Variants in C1QTNF4 observed in about 807,000 individuals in gnomAD.
The protein encoded by C1QTNF4 is C1q and TNF related 4, also known as complement C1q tumor necrosis factor-related protein 4.
Under a neutral mutation model 14.6 loss-of-function variants are expected in C1QTNF4, and 12 were observed. The observed-to-expected ratio is 0.82, with a 90% CI of 0.53 to 1.33. C1QTNF4 has a LOEUF of 1.33. Ranked by LOEUF, C1QTNF4 falls within the 40% of genes most tolerant of loss-of-function variation. The pLI, the probability that C1QTNF4 is intolerant of heterozygous loss-of-function variation, is 0.00. For missense variants in C1QTNF4, 558 were observed against 500.3 expected, an observed-to-expected ratio of 1.12 and a Z score of -1.10; for synonymous variants, 278 against 246.6, an observed-to-expected ratio of 1.13 and a Z score of -1.19.
chr11:47,591,821 G>A (rs1423450194), intron 1 of C1QTNF4, among the ~76,000 whole-genome samples: 3 of 152,234 alleles, frequency 2.0e-5, no homozygotes, highest in Non-Finnish European at 2.9e-5. Flanking sequence ...TAACCCGGGG[G>A]ATTCAGGGGA....
chr11:47,590,222 G>A lies in C1QTNF4; in HGVS notation c.589C>T (p.Arg197Trp), dbSNP rs868144458. 13 of 1,540,092 alleles carry A rather than the reference G, an allele frequency of 8.4e-6. No individual in the cohort carries two copies. The Admixed American group carries it at 1.0e-4, about 12-fold the overall frequency. ...GTGTCGAAGGCGAGTGGTTGGTGCC[G>A]CGGCCCGGGGCCAGCGTCCGAGCCC... ...LVGSDAGPGPRHQPLAFDTEF... is the reference protein window; with the variant it reads ...LVGSDAGPGPWHQPLAFDTEF... The change falls in exon 2 of 2, where the codon CGG becomes TGG. Residue 197 changes from arginine (R) to tryptophan (W), a missense_variant. Coordinates refer to ENST00000302514, the MANE Select transcript of C1QTNF4 (RefSeq NM_031909.3).
intron 1 of C1QTNF4, among the ~76,000 whole-genome samples, chr11:47,591,429 G>A (rs1238367780): frequency 8.1e-6 from 1 of 123,718 alleles, no homozygotes; most frequent in Non-Finnish European, 1.7e-5. Context: ...TGGCTGTGTC[G>A]CCAGGCTGGA....
rs2153796075 is a variant in C1QTNF4, at chr11:47,590,781, G to C, written c.30C>G (p.Gly10=). The C allele has an allele frequency of 1.3e-6, 2 of 1,517,506 alleles. No individual in the cohort carries two copies. Among genetic ancestry groups the C allele is most frequent in the Middle Eastern group, 2.0e-4 (1 of 5,052 alleles). The allele number at this position is 1,517,506 out of a possible 1,614,324, so 94.0% of individuals were successfully genotyped here. The change falls in exon 2 of 2, where the codon GGC becomes GGG. Residue 10 remains glycine (G), a synonymous_variant. Transcript: ENST00000302514. The stretch of plus-strand genomic sequence containing the variant: ...GGCCCAGGGCCCAGCAGGCCGCTGG[G>C]CCCAGCAGGCCCAGCAGAAGCGGCA... MLPLLLGLL[G]PAACWALGPT...
At position 47,590,392 on chromosome 11, in the gene C1QTNF4, G is replaced by T; in HGVS notation, c.419C>A (p.Pro140Gln). The T allele has an allele frequency of 7.5e-6, 11 of 1,470,916 alleles. No individual in the cohort carries two copies. The highest frequency in any genetic ancestry group is 9.8e-6 in the Non-Finnish European group (11 of 1,118,736). The allele number at this position is 1,470,916 out of a possible 1,614,324, so 91.1% of individuals were successfully genotyped here. A position where few individuals can be genotyped will look rare whatever the true frequency, so the allele number is the denominator to read the frequency against. ...GCCGGGCGCGCCTAGCGCGTACTGCGGGGCGCCATGCAGCCGCAGCCACAC... is the reference window on the plus strand; with the variant it reads ...GCCGGGCGCGCCTAGCGCGTACTGCTGGGCGCCATGCAGCCGCAGCCACAC... ...DTVWLRLHGA[P>Q]QYALGAPGAT... is the part of the protein sequence containing the mutation. The change falls in exon 2 of 2, where the codon CCG becomes CAG. Residue 140 changes from proline (P) to glutamine (Q), a missense_variant. Physicochemically the swap from Pro to Gln is moderately conservative, Grantham distance 76 (BLOSUM62 -1). Transcript: ENST00000302514.
rs1459549670 is a variant in C1QTNF4, at chr11:47,594,309, C to T, written c.-167G>A. ...GGGGCTCCGGCTGCTTTTCCCGGCT[C>T]TGAGGCGGCAGCGGACAGGGTGCTG... On this transcript the variant is annotated 5_prime_UTR_variant, in exon 1 of 2. Transcript: ENST00000302514. 6.6e-6 allele frequency: 1 copy of T among 152,214 alleles called. No individual in the cohort carries two copies. The highest frequency in any genetic ancestry group is 6.5e-5 in the Admixed American group (1 of 15,280). 9.4% of individuals were successfully genotyped at this position (152,214 alleles called of 1,614,324 possible).
intron 1 of C1QTNF4, among the ~76,000 whole-genome samples, chr11:47,592,287 G>T (rs2153796161): frequency 6.6e-6 from 1 of 152,274 alleles, no homozygotes; most frequent in Non-Finnish European, 1.5e-5. Flanking sequence ...TCAGGTCCTG[G>T]CTCTACCACT....
chr11:47,593,675 TC>T (rs1212451137), intron 1 of C1QTNF4, among the ~76,000 whole-genome samples: 2 of 152,086 alleles, frequency 1.3e-5, no homozygotes, highest in African/African-American at 2.4e-5. Flanking sequence ...AAATGGCTGT[TC>T]CTGGCTCTGT....
chr11:47,590,361 G>A lies in C1QTNF4; in HGVS notation c.450C>T (p.Thr150=), dbSNP rs1404829546. 2.9e-6 allele frequency: 4 copies of A among 1,377,192 alleles called. No homozygotes were observed. The highest frequency in any genetic ancestry group is 3.1e-5 in the East Asian group (1 of 32,226). 85.3% of individuals were successfully genotyped at this position (1,377,192 alleles called of 1,614,324 possible). A position where few individuals can be genotyped will look rare whatever the true frequency, so the allele number is the denominator to read the frequency against. ...CGGCGTAGACTAGGTAGCCGCTGAA[G>A]GTGGCGCCGGGCGCGCCTAGCGCGT... The part of the protein sequence containing the change: ...PQYALGAPGA[T]FSGYLVYADA... Residue 150 remains threonine (T), a synonymous_variant, in exon 2 of 2, where the codon ACC becomes ACT. Transcript: ENST00000302514.
In C1QTNF4 at chr11:47,590,349, G is replaced by A; in HGVS notation, c.462C>T (p.Tyr154=). 3 of 1,363,746 alleles carry A rather than the reference G, an allele frequency of 2.2e-6. No individual in the cohort carries two copies. Among genetic ancestry groups the A allele is most frequent in the Non-Finnish European group, 1.9e-6 (2 of 1,066,254 alleles). 84.5% of individuals were successfully genotyped at this position (1,363,746 alleles called of 1,614,324 possible). A position where few individuals can be genotyped will look rare whatever the true frequency, so the allele number is the denominator to read the frequency against. ...LGAPGATFSG[Y]LVYADADADA... ...CAGCGTCGGCGTCGGCGTAGACTAG[G>A]TAGCCGCTGAAGGTGGCGCCGGGCG... The change falls in exon 2 of 2, where the codon TAC becomes TAT. Residue 154 remains tyrosine, a synonymous_variant. Transcript: ENST00000302514.
chr11:47,589,986 C>T lies in C1QTNF4; in HGVS notation c.825G>A (p.Met275Ile). 6.2e-7 allele frequency: 1 copy of T among 1,611,672 alleles called. No homozygotes were observed. The highest frequency in any genetic ancestry group is 8.5e-7 in the Non-Finnish European group (1 of 1,178,572). Reference protein sequence around the residue: ...RRREMQSQSVMLALRRGDAVW... With the variant: ...RRREMQSQSVILALRRGDAVW... ...CGGCGTCGCCGCGCCGCAGGGCCAG[C>T]ATCACGCTCTGGCTCTGCATCTCGC... The change falls in exon 2 of 2, where the codon ATG becomes ATA. Residue 275 changes from methionine to isoleucine, a missense_variant. Transcript: ENST00000302514.
At chr11:47,592,601 C>G (rs2097276200) in intron 1 of C1QTNF4, among the ~76,000 whole-genome samples, 1 of 152,174 alleles carries the variant, frequency 6.6e-6, no homozygotes. Flanking sequence ...CATCCTGCTT[C>G]CTAGTAGGGC....
In C1QTNF4 at chr11:47,590,301, G is replaced by C; in HGVS notation, c.510C>G (p.Pro170=). ...ADADAPARGP[P]APPEPRSAFS... The stretch of plus-strand genomic sequence containing the variant: ...AGGCCGAGCGCGGCTCGGGGGGCGC[G>C]GGCGGCCCGCGCGCAGGCGCGTCAG... The change falls in exon 2 of 2, where the codon CCC becomes CCG. Residue 170 remains proline, a synonymous_variant. Transcript: ENST00000302514. The C allele has an allele frequency of 8.6e-7, 1 of 1,165,010 alleles. No homozygotes were observed. Among genetic ancestry groups the C allele is most frequent in the Non-Finnish European group, 1.1e-6 (1 of 943,568 alleles). 72.2% of individuals were successfully genotyped at this position (1,165,010 alleles called of 1,614,324 possible). A position where few individuals can be genotyped will look rare whatever the true frequency, so the allele number is the denominator to read the frequency against.
chr11:47,590,413 C>A lies in C1QTNF4; in HGVS notation c.398G>T (p.Trp133Leu), dbSNP rs1332652710. The change falls in exon 2 of 2, where the codon TGG (tryptophan) becomes TTG (leucine). Residue 133 changes from tryptophan to leucine, a missense_variant. By Grantham distance (61) the Trp-to-Leu change is moderately conservative. Coordinates refer to ENST00000302514, the MANE Select transcript of C1QTNF4 (RefSeq NM_031909.3). ...CTGCGGGGCGCCATGCAGCCGCAGC[C>A]ACACTGTGTCGCCGTAGTCGAGCTG... ...MLQLDYGDTV[W>L]LRLHGAPQYA... The A allele has an allele frequency of 2.7e-6, 4 of 1,497,206 alleles. No homozygotes were observed. The highest frequency in any genetic ancestry group is 1.3e-5 in the South Asian group (1 of 78,512). 92.7% of individuals were successfully genotyped at this position (1,497,206 alleles called of 1,614,324 possible). A position where few individuals can be genotyped will look rare whatever the true frequency, so the allele number is the denominator to read the frequency against.
chr11:47,590,591 C>A lies in C1QTNF4; in HGVS notation c.220G>T (p.Gly74Cys). The A allele has an allele frequency of 1.2e-6, 2 of 1,605,860 alleles. No homozygotes were observed. Among genetic ancestry groups the A allele is most frequent in the South Asian group, 1.1e-5 (1 of 89,762 alleles). The change falls in exon 2 of 2, where the codon GGC becomes TGC. Residue 74 changes from glycine (G) to cysteine (C), a missense_variant. Transcript: ENST00000302514. ...ATGQFRCRVPGAYFFSFTAGK... is the reference protein window; with the variant it reads ...ATGQFRCRVPCAYFFSFTAGK... The stretch of plus-strand genomic sequence containing the variant: ...GCCGTGAAGGAGAAGAAGTAGGCGC[C>A]GGGCACGCGGCAGCGAAACTGGCCG...
rs952551049 is a variant in C1QTNF4, at chr11:47,589,671, C to T, written c.*150G>A. On this transcript the variant is annotated 3_prime_UTR_variant, in exon 2 of 2. Transcript: ENST00000302514. ...AGTCAAGACAGCGCAGGGGCCTGGG[C>T]TGCCGGGCGCTGCGCGTGCCCGCTT... 5.5e-6 allele frequency: 4 copies of T among 727,108 alleles called. No homozygotes were observed. Among genetic ancestry groups the T allele is most frequent in the South Asian group, 2.2e-5 (1 of 44,736 alleles). The allele number at this position is 727,108 out of a possible 1,614,324, so 45.0% of individuals were successfully genotyped here.
At chr11:47,592,028 C>T (rs1334295859) in intron 1 of C1QTNF4, among the ~76,000 whole-genome samples, 1 of 152,194 alleles carries the variant, frequency 6.6e-6, no homozygotes, top group African/African-American at 2.4e-5. Flanking sequence ...GCCCTTCCTG[C>T]ACAGAGGAGG....
intron 1 of C1QTNF4, among the ~76,000 whole-genome samples, chr11:47,593,424 A>G (rs1471112478): frequency 6.6e-6 from 1 of 152,196 alleles, no homozygotes; most frequent in East Asian, 1.9e-4. Flanking sequence ...CAGCTTTTCC[A>G]TACCGCTGCT....
In C1QTNF4 at chr11:47,592,972, C is replaced by T. The variant is rs1568164; in HGVS notation, c.-6+1176G>A. ...TGTCCTATGGATTAGTTAGGTGTCC[C>T]TTGGTTAGGACAGGGAGGAGGGAAG... On this transcript the variant is annotated intron_variant, in intron 1 of 1. Transcript: ENST00000302514. Among the ~76,000 whole-genome samples, 748 of 152,228 alleles carry T rather than the reference C, an allele frequency of 4.9e-3. 8 individuals carry two copies. The highest frequency in any genetic ancestry group is 0.017 in the African/African-American group (725 of 41,534).
Position 47,594,143 on chromosome 11 carries a change from C to T in C1QTNF4, c.-6+5G>A, listed in dbSNP as rs1191101625. 3.3e-5 allele frequency: 5 copies of T among 152,298 alleles called. No homozygotes were observed. The highest frequency in any genetic ancestry group is 1.9e-4 in the East Asian group (1 of 5,154). The allele number at this position is 152,298 out of a possible 1,614,324, so 9.4% of individuals were successfully genotyped here. ...GGCTCCCTGCCTCCCCTCAGCTGCC[C>T]TCACCTGGCTGGGGGCGGCGGTCGA... On this transcript the variant is annotated splice_donor_5th_base_variant and intron_variant, in intron 1 of 1. Transcript: ENST00000302514.
Sources: allele counts gnomAD v4.1 joint callset (sites outside exome capture counted in the v4.1 genomes callset), GRCh38; gene constraint gnomAD v4.1.1; transcripts MANE v1.5; gene names NCBI Gene and HGNC (gene_info 2026-07-23, HGNC 2026-07-21).